TMEM164: variants seen among roughly 807,000 people sequenced by gnomAD.
TMEM164 encodes the protein transmembrane protein 164.
Under a neutral mutation model 18.8 loss-of-function variants are expected in TMEM164, and 4 were observed. That is an observed-to-expected ratio of 0.21 (90% CI 0.10 to 0.49). The LOEUF is 0.49. TMEM164 is among the 20% of genes least tolerant of loss of function. TMEM164 has a pLI of 0.98. For synonymous variants in TMEM164, 86 were observed against 101.7 expected (o/e 0.85, Z 0.93); for missense variants, 108 against 239.9 (o/e 0.45, Z 3.63).
chrX:110,167,762 G>A (rs953748121), intron 5 of TMEM164, among the ~76,000 whole-genome samples: 4 of 111,761 alleles, frequency 3.6e-5, no homozygotes, highest in Admixed American at 9.5e-5. Context: ...GGTGCTGGAC[G>A]TGAAGAGGTA....
chrX:110,025,027 T>C (rs1465498646), intron 2 of TMEM164, among the ~76,000 whole-genome samples: 2 of 109,944 alleles, frequency 1.8e-5, no homozygotes, highest in Non-Finnish European at 3.8e-5. Flanking sequence ...TGTTGGCATA[T>C]GTGTTCTTGA....
At chrX:110,101,622 C>G (rs2066112459) in intron 3 of TMEM164, among the ~76,000 whole-genome samples, 1 of 105,243 alleles carries the variant, frequency 9.5e-6, no homozygotes, top group South Asian at 4.4e-4. Context: ...CTCTGTCGCC[C>G]AAGCTGAAGT....
chrX:110,011,495 A>G (rs1158318447), intron 2 of TMEM164, among the ~76,000 whole-genome samples: 3 of 111,881 alleles, frequency 2.7e-5, no homozygotes, highest in Admixed American at 1.9e-4. Context: ...GTAGGAATTC[A>G]TTGGGTGATG....
rs757931100 is a variant in TMEM164 at position 110,029,326 on chromosome X, C to T, written c.390+25162C>T. 2.7e-5 allele frequency among the ~76,000 whole-genome samples: 3 copies of T among 111,624 alleles called. No individual in the cohort carries two copies. The Admixed American group carries it at 2.8e-4, about 11-fold the overall frequency. On this transcript the variant is annotated intron_variant, in intron 2 of 6. Transcript: ENST00000372068. ...TTCATGGGCCTTACAGACATTACTT[C>T]TGGTTGGTCAGACATGTTTCAGACC...
intron 3 of TMEM164, among the ~76,000 whole-genome samples, chrX:110,071,951 A>G (rs1331730925): frequency 1.8e-5 from 2 of 109,793 alleles, no homozygotes; most frequent in East Asian, 5.7e-4. Context: ...TGTAAAATAT[A>G]CTGCAGAATG....
At chrX:110,027,537 A>G (rs960345189) in intron 2 of TMEM164, among the ~76,000 whole-genome samples, 17 of 111,155 alleles carry the variant, frequency 1.5e-4, no homozygotes, top group African/African-American at 5.6e-4. Flanking sequence ...AGGCGGGTGG[A>G]TCACCTGAGG....
intron 3 of TMEM164, among the ~76,000 whole-genome samples, chrX:110,099,089 C>T (rs1569327966): frequency 9.1e-6 from 1 of 109,332 alleles, no homozygotes; most frequent in Non-Finnish European, 1.9e-5. Flanking sequence ...TGAGCCACCG[C>T]TCCTGGCTGA....
chrX:110,105,733 G>C lies in TMEM164; in HGVS notation c.441-3347G>C, dbSNP rs12839119. The stretch of plus-strand genomic sequence containing the variant: ...ACACACACACACAGACACACACACA[G>C]AGAGAGAGAGAGAGAATGAGAGAGA... On this transcript the variant is annotated intron_variant, in intron 3 of 6. Transcript: ENST00000372068. 6.7e-3 allele frequency among the ~76,000 whole-genome samples: 519 copies of C among 76,969 alleles called. 10 individuals are homozygous for C. Among genetic ancestry groups the C allele is most frequent in the Admixed American group, 0.061 (380 of 6,217 alleles). The allele number at this position is 76,969 out of a possible 115,157, so 66.8% of individuals were successfully genotyped here.
At chrX:110,078,129 T>C (rs1046656522) in intron 3 of TMEM164, among the ~76,000 whole-genome samples, 4 of 112,278 alleles carry the variant, frequency 3.6e-5, no homozygotes, top group East Asian at 5.5e-4. Context: ...CATAATCCCA[T>C]ATATCTTGAA....
At chrX:110,142,391 G>A (rs1182429366) in intron 4 of TMEM164, among the ~76,000 whole-genome samples, 1 of 112,050 alleles carries the variant, frequency 8.9e-6, no homozygotes, top group African/African-American at 3.2e-5. Context: ...GGGAGGGAGC[G>A]AGTGAGCAAA....
chrX:110,030,015 T>C (rs774467508), intron 2 of TMEM164, among the ~76,000 whole-genome samples: 169 of 109,301 alleles, frequency 1.5e-3, no homozygotes, highest in African/African-American at 5.3e-3. Context: ...ATTAGAAATA[T>C]AGAAATATAG....
In TMEM164 at chrX:110,176,016, C is replaced by G. The variant is rs1203588014; in HGVS notation, c.*2565C>G. 1.1e-5 allele frequency: 8 copies of G among 755,135 alleles called. No individual in the cohort carries two copies. In the African/African-American group the frequency reaches 1.8e-4, roughly 17 times the overall value. 62.2% of individuals were successfully genotyped at this position (755,135 alleles called of 1,213,427 possible). ...CTTGCACACCCAGTGGCCAGTGGGG[C>G]TGTCTTCCCAGCTCCTCCTCAGGGC... On this transcript the variant is annotated 3_prime_UTR_variant, in exon 7 of 7. Coordinates refer to ENST00000372068, the MANE Select transcript of TMEM164 (RefSeq NM_032227.4).
chrX:110,166,254 T>G (rs1265616066), intron 5 of TMEM164, among the ~76,000 whole-genome samples: 2 of 112,502 alleles, frequency 1.8e-5, no homozygotes, highest in African/African-American at 6.5e-5. Flanking sequence ...TCACCTCAAC[T>G]GTCATCTTCT....
chrX:110,068,699 A>AT (rs775842476), intron 3 of TMEM164, among the ~76,000 whole-genome samples: 2 of 110,247 alleles, frequency 1.8e-5, no homozygotes, highest in East Asian at 5.7e-4. Context: ...TGATTGCTGG[A>AT]TTTTTTTTTG....
At chrX:110,149,896 T>C (rs112180873) in intron 5 of TMEM164, among the ~76,000 whole-genome samples, 5,700 of 111,647 alleles carry the variant, frequency 0.051, 364 homozygotes, top group African/African-American at 0.18. Flanking sequence ...CCCTGCCTCC[T>C]GTATGCAATG....
intron 2 of TMEM164, among the ~76,000 whole-genome samples, chrX:110,013,274 C>A (rs1417075941): frequency 8.9e-6 from 1 of 112,234 alleles, no homozygotes; most frequent in African/African-American, 3.2e-5. Flanking sequence ...AGAGACATTT[C>A]ATTCAGGTGC....
rs750704788 is a variant in TMEM164 at position 110,145,657 on chromosome X, C to T, written c.586+781C>T. On this transcript the variant is annotated intron_variant, in intron 5 of 6. Coordinates refer to ENST00000372068, the MANE Select transcript of TMEM164 (RefSeq NM_032227.4). ...TCTCAGTTGCTGAGACTTTTCTGCTCCTACCTCACTCCAGGCAGCAAGGGT... is the reference window on the plus strand; with the variant it reads ...TCTCAGTTGCTGAGACTTTTCTGCTTCTACCTCACTCCAGGCAGCAAGGGT... 1.9e-4 allele frequency among the ~76,000 whole-genome samples: 21 copies of T among 112,040 alleles called. No homozygotes were observed. The South Asian group carries it at 7.9e-3, about 42-fold the overall frequency.
At chrX:110,143,831 G>A (rs1170822164) in intron 4 of TMEM164, among the ~76,000 whole-genome samples, 4 of 110,469 alleles carry the variant, frequency 3.6e-5, no homozygotes, top group Non-Finnish European at 7.6e-5. Flanking sequence ...GTGTGTGTGT[G>A]TGTACACGTG....
At chrX:110,148,423 C>T (rs113779330) in intron 5 of TMEM164, among the ~76,000 whole-genome samples, 1,247 of 111,792 alleles carry the variant, frequency 0.011, 18 homozygotes, top group African/African-American at 0.038. Context: ...AATAATATCC[C>T]TGTGCGATTA....
Sources: allele counts gnomAD v4.1 joint callset (sites outside exome capture counted in the v4.1 genomes callset), GRCh38; gene constraint gnomAD v4.1.1; transcripts MANE v1.5; gene names NCBI Gene and HGNC (gene_info 2026-07-23, HGNC 2026-07-21).